Variants in SNTG2 observed in about 807,000 individuals in gnomAD.
SNTG2 encodes the protein syntrophin gamma 2.
In SNTG2, 74 loss-of-function variants were observed where a neutral mutation model predicts 70.9. The ratio of observed to expected loss-of-function variants is 1.04; its 90% confidence interval spans 0.86 to 1.27. SNTG2 has a LOEUF of 1.27. Among genes scored for constraint, SNTG2 ranks in the 50% most tolerant of loss-of-function variants. The pLI is 0.00. For missense variants in SNTG2, 717 were observed against 690.7 expected (o/e 1.04, Z -0.43); for synonymous variants, 278 against 273.8 (o/e 1.02, Z -0.15).
intron 14 of SNTG2, among the ~76,000 whole-genome samples, chr2:1,271,507 A>G (rs1393256606): frequency 6.6e-6 from 1 of 152,188 alleles, no homozygotes; most frequent in African/African-American, 2.4e-5. Flanking sequence ...TAAAATATCT[A>G]TCAGATAGGA....
chr2:1,320,534 C>CAAAAAAAAAAAAAAAAAAAA (rs35391780), intron 16 of SNTG2, among the ~76,000 whole-genome samples: 2 of 89,462 alleles, frequency 2.2e-5, no homozygotes, highest in Non-Finnish European at 4.5e-5. Flanking sequence ...GACTCCTTCT[C>CAAAAAAAAAAAAAAAAAAAA]AAAAAAAAAA....
chr2:1,076,376 G>T (rs1663914899), intron 1 of SNTG2, among the ~76,000 whole-genome samples: 1 of 152,086 alleles, frequency 6.6e-6, no homozygotes, highest in African/African-American at 2.4e-5. Context: ...GCTTCTTCCA[G>T]CACCTGATAT....
intron 1 of SNTG2, among the ~76,000 whole-genome samples, chr2:994,524 G>A (rs1661610673): frequency 6.6e-6 from 1 of 151,980 alleles, no homozygotes; most frequent in Admixed American, 6.5e-5. Context: ...TGGGTTCCTG[G>A]AACATCCATA....
At chr2:1,188,749 C>G (rs1243543234) in intron 8 of SNTG2, among the ~76,000 whole-genome samples, 1 of 152,104 alleles carries the variant, frequency 6.6e-6, no homozygotes, top group Non-Finnish European at 1.5e-5. Flanking sequence ...TCATCTCTCT[C>G]AAATATTGAA....
intron 9 of SNTG2, among the ~76,000 whole-genome samples, chr2:1,214,677 CA>C (rs1448650471): frequency 2.0e-5 from 3 of 152,058 alleles, no homozygotes; most frequent in African/African-American, 7.2e-5. Flanking sequence ...CTTATGTCAT[CA>C]GCAAACAGAG....
At position 1,247,419 on chromosome 2, in the gene SNTG2, C is replaced by G. The variant is rs1677497449; in HGVS notation, c.981C>G (p.Ser327=). The change falls in exon 12 of 17, where the codon TCC becomes TCG. Residue 327 remains serine, a synonymous_variant. Transcript: ENST00000308624. ...RPKFLALKGP[S]FYVFSTPPVS... ...AGTTCCTAGCACTGAAGGGCCCGTC[C>G]TTCTACGTTTTCAGCACTCCTCCGG... 1 of 1,613,670 alleles carries G rather than the reference C, an allele frequency of 6.2e-7. No homozygotes were observed.
intron 9 of SNTG2, among the ~76,000 whole-genome samples, chr2:1,235,342 G>A (rs28712383): frequency 3.7e-5 from 2 of 53,960 alleles, no homozygotes; most frequent in Non-Finnish European, 6.9e-5. Flanking sequence ...GTCCCTGCAG[G>A]CCCCACCAGG....
chr2:1,028,744 T>A (rs987249277), intron 1 of SNTG2, among the ~76,000 whole-genome samples: 4 of 151,846 alleles, frequency 2.6e-5, no homozygotes, highest in Non-Finnish European at 5.9e-5. Context: ...CCTCCTTTTT[T>A]TTTTTTTTTT....
intron 2 of SNTG2, 42 bp from the exon 3 acceptor site, chr2:1,098,154 A>C (rs775863715): frequency 1.9e-6 from 3 of 1,603,008 alleles, no homozygotes; most frequent in Non-Finnish European, 2.6e-6. Context: ...CTGATAGTGC[A>C]TTTTAACCTA....
chr2:1,212,008 A>G (rs1439082897), intron 9 of SNTG2, among the ~76,000 whole-genome samples: 2 of 151,736 alleles, frequency 1.3e-5, no homozygotes, highest in African/African-American at 4.9e-5. Context: ...ATGGAACCCA[A>G]GAAGTCAGCC....
At chr2:1,286,737 G>A (rs886076433) in intron 14 of SNTG2, among the ~76,000 whole-genome samples, 18 of 152,160 alleles carry the variant, frequency 1.2e-4, no homozygotes, top group African/African-American at 4.1e-4. Context: ...AGATCACCCC[G>A]AGGAATGGTG....
Position 1,363,129 on chromosome 2 carries a change from A to C in SNTG2, c.1489-4214A>C, listed in dbSNP as rs867673145. 3.8e-4 allele frequency among the ~76,000 whole-genome samples: 54 copies of C among 140,662 alleles called. 1 individual carries two copies. Among genetic ancestry groups the C allele is most frequent in the Admixed American group, 7.1e-4 (10 of 14,008 alleles). The allele number at this position is 140,662 out of a possible 152,430, so 92.3% of individuals were successfully genotyped here. A position where few individuals can be genotyped will look rare whatever the true frequency, so the allele number is the denominator to read the frequency against. On this transcript the variant is annotated intron_variant, in intron 16 of 16. Transcript: ENST00000308624. ...CTCCTGTGAAACCCTCACAAAATGG[A>C]CCCCCCCCATGAAAGAGGAACCATG... is the stretch of plus-strand genomic sequence containing the variant.
chr2:957,484 GAGA>G (rs1660205042), intron 1 of SNTG2, among the ~76,000 whole-genome samples: 2 of 152,110 alleles, frequency 1.3e-5, no homozygotes, highest in African/African-American at 4.8e-5. Flanking sequence ...ACAGAATTTA[GAGA>G]AGAATGATTG....
chr2:1,099,933 C>T (rs62107376), intron 4 of SNTG2, among the ~76,000 whole-genome samples: 5,581 of 152,248 alleles, frequency 0.037, 244 homozygotes, highest in South Asian at 0.22. Context: ...ACAAACCTGC[C>T]GTTAAACTTG....
chr2:1,091,778 G>C (rs565685220), intron 2 of SNTG2, among the ~76,000 whole-genome samples: 1 of 152,132 alleles, frequency 6.6e-6, no homozygotes, highest in Non-Finnish European at 1.5e-5. Context: ...CTAATCCCAG[G>C]ATATTGAAAT....
intron 9 of SNTG2, among the ~76,000 whole-genome samples, chr2:1,228,679 C>G (rs531681233): frequency 7.9e-5 from 12 of 152,296 alleles, no homozygotes; most frequent in African/African-American, 2.2e-4. Flanking sequence ...AGGTGTGCAG[C>G]CTCCACCCAT....
At chr2:957,608 A>G (rs1486072686) in intron 1 of SNTG2, among the ~76,000 whole-genome samples, 2 of 152,032 alleles carry the variant, frequency 1.3e-5, no homozygotes, top group Non-Finnish European at 2.9e-5. Flanking sequence ...CAAATTCTAG[A>G]CAAGCAGACA....
intron 1 of SNTG2, among the ~76,000 whole-genome samples, chr2:1,045,360 T>C (rs565461342): frequency 6.6e-6 from 1 of 152,204 alleles, no homozygotes; most frequent in South Asian, 2.1e-4. Context: ...TCATCTCCTA[T>C]GGTTTTTCAC....
At chr2:1,103,429 G>A in intron 4 of SNTG2, 1 of 264,740 alleles carries the variant, frequency 3.8e-6, no homozygotes, top group Non-Finnish European at 7.4e-6. Flanking sequence ...TGTCGCCCAG[G>A]CTGGAGTGCA....
Sources: allele counts gnomAD v4.1 joint callset (sites outside exome capture counted in the v4.1 genomes callset), GRCh38; gene constraint gnomAD v4.1.1; transcripts MANE v1.5; gene names NCBI Gene and HGNC (gene_info 2026-07-23, HGNC 2026-07-21).